The following NAV1 variants were observed in gnomAD, a reference collection of about 807,000 sequenced individuals.
NAV1 encodes pore membrane and/or filament interacting like protein 3.
In NAV1, 18 loss-of-function variants were observed where a neutral mutation model predicts 175.2. The observed-to-expected ratio is 0.10, with a 90% CI of 0.07 to 0.15. The LOEUF (loss-of-function observed/expected upper bound fraction) is 0.15, where lower values mean the gene tolerates loss of function less well. NAV1 is among the 10% of genes least tolerant of loss of function. The pLI is 1.00. For missense variants in NAV1, 1,731 were observed against 2,436.6 expected (o/e 0.71, Z 6.10); for synonymous variants, 897 against 978.7 (o/e 0.92, Z 1.56).
intron 1 of NAV1, among the ~76,000 whole-genome samples, chr1:201,664,298 C>T (rs1412566775): frequency 6.6e-6 from 1 of 152,120 alleles, no homozygotes; most frequent in Non-Finnish European, 1.5e-5. Flanking sequence ...GCTGAGATCG[C>T]GTCACTGCAC....
In NAV1 at chr1:201,579,805, T is replaced by C. The variant is rs373855987; in HGVS notation, c.-143-8734T>C. 2.6e-5 allele frequency among the ~76,000 whole-genome samples: 4 copies of C among 152,128 alleles called. No individual in the cohort carries two copies. The East Asian group carries it at 7.7e-4, about 29-fold the overall frequency. ...TCTTCAGAGAAACAGACCGATAAGA[T>C]ATAAAAATAGATACACGAGAGGGGA... On this transcript the variant is annotated intron_variant, in intron 1 of 33. Coordinates refer to the NAV1 transcript ENST00000685211.
Position 201,754,307 on chromosome 1 carries a change from G to A in NAV1, c.1227-26114G>A, listed in dbSNP as rs149329889. On this transcript the variant is annotated intron_variant, in intron 3 of 29. Transcript: ENST00000367296. ...AAGTCAAGAGCCACATATAATGAAA[G>A]ACCAAAGTGTAAAAGGTGGGCAGAG... 1.3e-3 allele frequency among the ~76,000 whole-genome samples: 205 copies of A among 152,288 alleles called. 1 individual carries two copies. The highest frequency in any genetic ancestry group is 4.5e-3 in the Admixed American group (69 of 15,300).
intron 2 of NAV1, among the ~76,000 whole-genome samples, chr1:201,630,761 C>T (rs1003327668): frequency 2.6e-5 from 4 of 152,220 alleles, no homozygotes; most frequent in African/African-American, 9.7e-5. Flanking sequence ...CCAAATTTCT[C>T]TGGCACCGAA....
chr1:201,625,791 A>G lies in NAV1; in HGVS notation c.-101+2185A>G, dbSNP rs192255268. ...AATTGTTTAAGATTTTACATTATCT[A>G]CCTTACAAGTCCCTTGGTATATTCA... On this transcript the variant is annotated intron_variant, in intron 1 of 29. Coordinates refer to the NAV1 transcript ENST00000367302. 2.3e-3 allele frequency among the ~76,000 whole-genome samples: 351 copies of G among 152,322 alleles called. 1 individual carries two copies. Among genetic ancestry groups the G allele is most frequent in the African/African-American group, 7.7e-3 (320 of 41,564 alleles).
In NAV1 at chr1:201,779,185, G is replaced by A. The variant is rs572040904; in HGVS notation, c.1227-1236G>A. Among the ~76,000 whole-genome samples the A allele has an allele frequency of 9.9e-5, 15 of 152,232 alleles. No homozygotes were observed. The South Asian group carries it at 1.5e-3, about 15-fold the overall frequency. On this transcript the variant is annotated intron_variant, in intron 3 of 29. Coordinates refer to ENST00000367296, the Ensembl canonical transcript of NAV1. Reference sequence around the variant, plus strand: ...AGCTTAGAAAACAATGCATGTGATCGAAAAGAAATGTGAATAGCAAAGATA... The same window carrying A: ...AGCTTAGAAAACAATGCATGTGATCAAAAAGAAATGTGAATAGCAAAGATA...
intron 2 of NAV1, among the ~76,000 whole-genome samples, chr1:201,640,019 G>C (rs531059654): frequency 6.6e-6 from 1 of 152,090 alleles, no homozygotes; most frequent in African/African-American, 2.4e-5. Flanking sequence ...AGAATTTCTC[G>C]GCATTCCCAC....
chr1:201,780,635 G>T (rs1310314356), intron 4 of NAV1, 76 bp downstream of exon 8: 1 of 1,568,854 alleles, frequency 6.4e-7, no homozygotes, highest in African/African-American at 1.3e-5. Flanking sequence ...TGTGTATGGG[G>T]TTGCACGTAC....
chr1:201,674,332 G>A (rs1369887391), intron 1 of NAV1, among the ~76,000 whole-genome samples: 3 of 152,010 alleles, frequency 2.0e-5, no homozygotes, highest in African/African-American at 7.3e-5. Context: ...CCGCAGTGCC[G>A]CACTACCCAT....
chr1:201,707,526 C>T (rs921497576), intron 1 of NAV1, among the ~76,000 whole-genome samples: 3 of 152,206 alleles, frequency 2.0e-5, no homozygotes, highest in Non-Finnish European at 2.9e-5. Flanking sequence ...ACCTGAAGCA[C>T]AGGTCTTTCT....
chr1:201,559,861 G>T (rs1004191370), intron 1 of NAV1, among the ~76,000 whole-genome samples: 12 of 152,200 alleles, frequency 7.9e-5, no homozygotes, highest in Non-Finnish European at 5.9e-5. Context: ...GCAGAACCCA[G>T]CCCGATCCCC....
intron 2 of NAV1, among the ~76,000 whole-genome samples, chr1:201,642,024 T>TCTTC (rs371893164): frequency 0.012 from 1,835 of 149,980 alleles, 43 homozygotes; most frequent in African/African-American, 0.042. Context: ...TCTTTCTTTC[T>TCTTC]CTTCCTTCCT....
chr1:201,686,257 C>T (rs1372598070), intron 1 of NAV1, among the ~76,000 whole-genome samples: 2 of 151,246 alleles, frequency 1.3e-5, no homozygotes, highest in African/African-American at 2.4e-5. Flanking sequence ...ACTCACTCCC[C>T]TCAAGCTGCC....
chr1:201,784,808 C>T (rs1482141924), intron 7 of NAV1, among the ~76,000 whole-genome samples: 1 of 151,892 alleles, frequency 6.6e-6, no homozygotes, highest in Non-Finnish European at 1.5e-5. Context: ...GCTCTGTCGC[C>T]CAGGCTGGAG....
chr1:201,574,035 G>C (rs891584892), intron 1 of NAV1, among the ~76,000 whole-genome samples: 3 of 151,558 alleles, frequency 2.0e-5, no homozygotes, highest in African/African-American at 7.3e-5. Flanking sequence ...CTCTAGCCTG[G>C]ACATCAGAGT....
intron 1 of NAV1, among the ~76,000 whole-genome samples, chr1:201,583,672 T>C (rs1027637932): frequency 3.3e-5 from 5 of 152,196 alleles, no homozygotes; most frequent in Non-Finnish European, 7.3e-5. Flanking sequence ...TCTCCTTTCT[T>C]CCCAAGGAAG....
chr1:201,627,644 T>G (rs774192813), intron 1 of NAV1, among the ~76,000 whole-genome samples: 26 of 151,946 alleles, frequency 1.7e-4, no homozygotes, highest in Non-Finnish European at 2.9e-4. Flanking sequence ...GCTTAGCTCT[T>G]TACATATATG....
intron 2 of NAV1, among the ~76,000 whole-genome samples, chr1:201,599,038 C>T (rs979548799): frequency 2.0e-5 from 3 of 152,158 alleles, no homozygotes; most frequent in African/African-American, 7.2e-5. Context: ...CTTTTGTTGG[C>T]CCCACTTAGC....
At chr1:201,545,815 A>G (rs1332473594) in intron 1 of NAV1, among the ~76,000 whole-genome samples, 8 of 152,250 alleles carry the variant, frequency 5.3e-5, no homozygotes, top group African/African-American at 1.9e-4. Flanking sequence ...GAAGGCATAA[A>G]GGAACGAGTC....
At chr1:201,543,196 C>G (rs963827525) in intron 1 of NAV1, among the ~76,000 whole-genome samples, 4 of 152,220 alleles carry the variant, frequency 2.6e-5, no homozygotes, top group African/African-American at 9.6e-5. Flanking sequence ...ACATCCTTCT[C>G]TTGTTCTTGA....
Sources: gnomAD v4.1 joint callset for allele counts (sites outside exome capture counted in the v4.1 genomes callset) on GRCh38, gnomAD v4.1.1 for gene constraint, MANE v1.5 for transcripts, NCBI Gene and HGNC (gene_info 2026-07-23, HGNC 2026-07-21) for gene names.